UBAC2: variants seen among roughly 807,000 people sequenced by gnomAD.
UBAC2 encodes ubiquitin-associated domain-containing protein 2.
A neutral mutation model predicts 44.0 loss-of-function variants in UBAC2; 26 were observed. The ratio of observed to expected loss-of-function variants is 0.59; its 90% CI spans 0.43 to 0.82. The LOEUF is 0.82. Among genes scored for constraint, UBAC2 ranks in the 40% least tolerant of loss-of-function variants. The pLI is 0.00. For synonymous variants in UBAC2, 155 were observed against 154.3 expected (o/e 1.00, Z -0.04); for missense variants, 329 against 419.4 (o/e 0.78, Z 1.88).
chr13:99,296,186 C>T (rs1037324272), intron 4 of UBAC2: 2 of 1,521,486 alleles, frequency 1.3e-6, no homozygotes, highest in Non-Finnish European at 1.8e-6. Flanking sequence ...CAAGAAGGAT[C>T]ATATAAGTAA....
Position 99,353,662 on chromosome 13 carries a change from G to A in UBAC2, c.807+13097G>A, listed in dbSNP as rs148867627. Among the ~76,000 whole-genome samples the A allele has an allele frequency of 2.4e-3, 361 of 152,260 alleles. 4 individuals carry two copies. The highest frequency in any genetic ancestry group is 0.01 in the South Asian group (50 of 4,830). ...GAATTTAGAGATGTACTCTGGAGCA[G>A]TATCATGTTAAACCAGGGGTATATT... On this transcript the variant is annotated intron_variant, in intron 7 of 8. Transcript: ENST00000403766.
chr13:99,210,205 T>C (rs906220883), intron 1 of UBAC2, among the ~76,000 whole-genome samples: 5 of 152,210 alleles, frequency 3.3e-5, no homozygotes, highest in Non-Finnish European at 1.5e-5. Flanking sequence ...TAACTGACTT[T>C]GTTATAAAAT....
At chr13:99,377,010 C>G (rs1315805167) in intron 8 of UBAC2, 1 of 152,382 alleles carries the variant, frequency 6.6e-6, no homozygotes, top group African/African-American at 2.4e-5. Context: ...ACCATTGCCT[C>G]CACTCACGCC....
intron 6 of UBAC2, among the ~76,000 whole-genome samples, chr13:99,330,468 A>AAAAAAAAG (rs1555329960): frequency 2.7e-5 from 4 of 148,702 alleles, no homozygotes; most frequent in South Asian, 2.1e-4. Flanking sequence ...CAAAAAAAAA[A>AAAAAAAAG]AAAAAAAAGA....
At chr13:99,241,780 C>T (rs1223050197) in intron 2 of UBAC2, among the ~76,000 whole-genome samples, 1 of 131,708 alleles carries the variant, frequency 7.6e-6, no homozygotes, top group Admixed American at 7.9e-5. Flanking sequence ...GGGTGTTTCT[C>T]GCACAGGGGG....
chr13:99,201,961 T>G (rs976796834), intron 1 of UBAC2, among the ~76,000 whole-genome samples: 14 of 150,900 alleles, frequency 9.3e-5, no homozygotes, highest in African/African-American at 3.2e-4. Flanking sequence ...TATTCCCAGC[T>G]ACTCGGGAGG....
In UBAC2 at chr13:99,216,082, T is replaced by TGTGTGTGTG. The variant is rs1566450747; in HGVS notation, c.31+15143_31+15144insGTGTGTGTG. Among the ~76,000 whole-genome samples, 858 of 148,850 alleles carry TGTGTGTGTG rather than the reference T, an allele frequency of 5.8e-3. 3 individuals are homozygous for TGTGTGTGTG. Among genetic ancestry groups the TGTGTGTGTG allele is most frequent in the African/African-American group, 0.011 (438 of 40,414 alleles). ...CAATTACTTTTGTACCAACCTATAT[T>TGTGTGTGTG]TGTGTGTGTGTGTGTGTGTGTGTGT... On this transcript the variant is annotated intron_variant, in intron 1 of 8. Transcript: ENST00000403766.
chr13:99,346,844 GT>G (rs2044991423), intron 7 of UBAC2, among the ~76,000 whole-genome samples: 1 of 152,226 alleles, frequency 6.6e-6, no homozygotes, highest in Admixed American at 6.5e-5. Context: ...GAGCAGACTT[GT>G]TTTCTGTATA....
intron 4 of UBAC2, among the ~76,000 whole-genome samples, chr13:99,283,055 G>T (rs2043974173): frequency 6.6e-6 from 1 of 152,190 alleles, no homozygotes; most frequent in African/African-American, 2.4e-5. Flanking sequence ...AGCAGAAAGG[G>T]AATTTATTAA....
At chr13:99,384,997 T>C (rs957125030) in intron 8 of UBAC2, among the ~76,000 whole-genome samples, 14 of 152,242 alleles carry the variant, frequency 9.2e-5, no homozygotes, top group African/African-American at 3.1e-4. Context: ...TCCTTGTCTG[T>C]AGAATGAGGG....
intron 4 of UBAC2, among the ~76,000 whole-genome samples, chr13:99,268,637 A>T: frequency 7.0e-6 from 1 of 142,810 alleles, no homozygotes; most frequent in African/African-American, 2.7e-5. Context: ...AAAAAAAAGA[A>T]ACACAAAAGG....
intron 1 of UBAC2, among the ~76,000 whole-genome samples, chr13:99,232,486 C>T (rs1246306900): frequency 5.4e-5 from 8 of 148,908 alleles, no homozygotes; most frequent in Non-Finnish European, 1.0e-4. Context: ...TTAAACTTCG[C>T]CCAGTGGGCT....
chr13:99,250,276 A>T (rs1220261323), intron 4 of UBAC2, among the ~76,000 whole-genome samples: 1 of 152,200 alleles, frequency 6.6e-6, no homozygotes, highest in East Asian at 1.9e-4. Context: ...TTTTCTGCAT[A>T]TGACTAGCCA....
At chr13:99,347,963 A>G (rs2045017198) in intron 7 of UBAC2, among the ~76,000 whole-genome samples, 1 of 151,974 alleles carries the variant, frequency 6.6e-6, no homozygotes, top group Non-Finnish European at 1.5e-5. Flanking sequence ...TCGGGACACT[A>G]TGCTGGACAC....
chr13:99,267,528 G>T (rs1293974247), intron 4 of UBAC2, among the ~76,000 whole-genome samples: 1 of 152,182 alleles, frequency 6.6e-6, no homozygotes, highest in Non-Finnish European at 1.5e-5. Flanking sequence ...TTTTCCTGCA[G>T]TCCTCAGCAC....
chr13:99,364,856 A>G (rs1485922990), intron 7 of UBAC2, among the ~76,000 whole-genome samples: 1 of 152,186 alleles, frequency 6.6e-6, no homozygotes, highest in Non-Finnish European at 1.5e-5. Flanking sequence ...TCTATAGTTG[A>G]TGGGCATTTG....
At chr13:99,201,236 G>T in intron 1 of UBAC2, 1 of 1,433,978 alleles carries the variant, frequency 7.0e-7, no homozygotes, top group Non-Finnish European at 9.1e-7. Context: ...AGGTGCCCTG[G>T]TGTTCTCGTG....
intron 4 of UBAC2, among the ~76,000 whole-genome samples, chr13:99,288,790 A>C (rs1237806679): frequency 6.6e-6 from 1 of 152,226 alleles, no homozygotes; most frequent in African/African-American, 2.4e-5. Flanking sequence ...GACATGTAAT[A>C]ATATCAACCT....
At chr13:99,372,368 T>A (rs945879751) in intron 8 of UBAC2, 2 of 153,076 alleles carry the variant, frequency 1.3e-5, no homozygotes, top group African/African-American at 4.8e-5. Context: ...CAAAGGTGGA[T>A]AAAGTAGGCT....
Sources: allele counts gnomAD v4.1 joint callset (sites outside exome capture counted in the v4.1 genomes callset), GRCh38; gene constraint gnomAD v4.1.1; transcripts MANE v1.5; gene names NCBI Gene and HGNC (gene_info 2026-07-23, HGNC 2026-07-21).